The following PCMT1 variants were observed in gnomAD, a reference collection of about 807,000 sequenced individuals.
PCMT1 encodes protein-L-isoaspartate (D-aspartate) O-methyltransferase.
PCMT1 carries 9 observed loss-of-function variants against 29.2 expected under a neutral mutation model. That is an observed-to-expected ratio of 0.31 (90% CI 0.19 to 0.54). The LOEUF (loss-of-function observed/expected upper bound fraction) is 0.54. Among genes scored for constraint, PCMT1 ranks in the 20% least tolerant of loss-of-function variants. PCMT1 has a pLI of 0.95. For synonymous variants in PCMT1, 98 were observed against 97.5 expected (o/e 1.00, Z -0.03); for missense variants, 184 against 282.2 (o/e 0.65, Z 2.49).
chr6:149,776,016 G>T (rs1450015632), intron 3 of PCMT1, among the ~76,000 whole-genome samples: 1 of 151,950 alleles, frequency 6.6e-6, no homozygotes, highest in Non-Finnish European at 1.5e-5. Context: ...AAAATTAGCT[G>T]GGCGTGGTGG....
At chr6:149,805,456 T>C (rs777949236) in intron 7 of PCMT1, among the ~76,000 whole-genome samples, 7 of 150,708 alleles carry the variant, frequency 4.6e-5, no homozygotes, top group Non-Finnish European at 8.8e-5. Context: ...TAGCCGGGCG[T>C]GGTGGCAGGT....
intron 7 of PCMT1, among the ~76,000 whole-genome samples, chr6:149,804,719 C>T (rs1269813386): frequency 6.6e-6 from 1 of 152,048 alleles, no homozygotes; most frequent in African/African-American, 2.4e-5. Context: ...CCAGGCTGGT[C>T]TCGAACTCCT....
intron 2 of PCMT1, among the ~76,000 whole-genome samples, chr6:149,771,783 A>G (rs1285398345): frequency 6.6e-6 from 1 of 152,172 alleles, no homozygotes; most frequent in Non-Finnish European, 1.5e-5. Flanking sequence ...CTCCCAAAGC[A>G]CTAGGATTAC....
chr6:149,772,627 C>T (rs1275355981), intron 2 of PCMT1: 1 of 445,624 alleles, frequency 2.2e-6, no homozygotes, highest in Non-Finnish European at 4.5e-6. Flanking sequence ...AGCACGTTAC[C>T]CTTTGGCATG....
intron 3 of PCMT1, among the ~76,000 whole-genome samples, chr6:149,776,643 G>C (rs1787583149): frequency 6.6e-6 from 1 of 152,034 alleles, no homozygotes; most frequent in Non-Finnish European, 1.5e-5. Flanking sequence ...GAACTCCTGG[G>C]CTCTAGTGAT....
chr6:149,759,536 C>T (rs1437987512), intron 1 of PCMT1, among the ~76,000 whole-genome samples: 1 of 151,598 alleles, frequency 6.6e-6, no homozygotes, highest in African/African-American at 2.4e-5. Context: ...TTCTTGTTGC[C>T]CGGGCTGGAG....
At chr6:149,767,269 T>G (rs1378491204) in intron 1 of PCMT1, among the ~76,000 whole-genome samples, 1 of 151,594 alleles carries the variant, frequency 6.6e-6, no homozygotes, top group Non-Finnish European at 1.5e-5. Context: ...TTTTTTTTTT[T>G]TCTGCTGCTC....
intron 1 of PCMT1, among the ~76,000 whole-genome samples, chr6:149,767,077 C>A (rs1377844409): frequency 6.6e-6 from 1 of 152,022 alleles, no homozygotes; most frequent in African/African-American, 2.4e-5. Flanking sequence ...GATGTGGTGG[C>A]AGGCGCTTAT....
At chr6:149,799,693 A>T (rs1249756394) in intron 6 of PCMT1, among the ~76,000 whole-genome samples, 1 of 152,216 alleles carries the variant, frequency 6.6e-6, no homozygotes, top group Non-Finnish European at 1.5e-5. Context: ...AGAGGAAACC[A>T]CATAGGGCAT....
intron 3 of PCMT1, among the ~76,000 whole-genome samples, chr6:149,777,794 A>G (rs1787632289): frequency 6.8e-6 from 1 of 147,450 alleles, no homozygotes; most frequent in South Asian, 2.2e-4. Flanking sequence ...GCTTTCTTTG[A>G]CTTTCTTTCT....
intron 7 of PCMT1, among the ~76,000 whole-genome samples, chr6:149,804,725 C>T (rs1244962234): frequency 6.6e-6 from 1 of 152,048 alleles, no homozygotes; most frequent in African/African-American, 2.4e-5. Flanking sequence ...TGGTCTCGAA[C>T]TCCTGACCTC....
At position 149,768,443 on chromosome 6, in the gene PCMT1, AATT is replaced by A. The variant is rs1403557723; in HGVS notation, c.56-2718_56-2716del. Among the ~76,000 whole-genome samples, 478 of 121,362 alleles carry A rather than the reference AATT, an allele frequency of 3.9e-3. 1 individual carries two copies. The highest frequency in any genetic ancestry group is 0.016 in the African/African-American group (457 of 29,014). 79.6% of individuals were successfully genotyped at this position (121,362 alleles called of 152,430 possible). A position where few individuals can be genotyped will look rare whatever the true frequency, so the allele number is the denominator to read the frequency against. On this transcript the variant is annotated intron_variant, in intron 1 of 7. Coordinates refer to ENST00000464889, the MANE Select transcript of PCMT1 (RefSeq NM_001360452.2). ...TAGGTGATTTGATCTTTTAGTCTTG[AATT>A]TTTTTTTTTTTTTTTTTTTTTTTGA...
chr6:149,799,361 G>A (rs1353118643), intron 6 of PCMT1, among the ~76,000 whole-genome samples: 1 of 152,100 alleles, frequency 6.6e-6, no homozygotes, highest in African/African-American at 2.4e-5. Flanking sequence ...CTCCTGTTAA[G>A]GACTGGTAAT....
intron 3 of PCMT1, among the ~76,000 whole-genome samples, chr6:149,774,770 CATCTTGGCTCACTG>C (rs1787488920): frequency 6.8e-6 from 1 of 147,030 alleles, no homozygotes. Context: ...GCAGTGGCGC[CATCTTGGCTCACTG>C]CAAGCTCCGC....
chr6:149,792,102 G>C (rs948398562), intron 4 of PCMT1, among the ~76,000 whole-genome samples: 1 of 151,960 alleles, frequency 6.6e-6, no homozygotes, highest in South Asian at 2.1e-4. Context: ...ATCACCTGAG[G>C]TCTGGAGTTC....
At chr6:149,809,896 C>T (rs1776117425) in intron 7 of PCMT1, 1 of 152,146 alleles carries the variant, frequency 6.6e-6, no homozygotes, top group Non-Finnish European at 1.5e-5. Context: ...TTTTGTCACT[C>T]ACATTACCTT....
intron 2 of PCMT1, 121 bp from the exon 3 acceptor site, chr6:149,773,017 A>AAC (rs1196456507): frequency 1.0e-4 from 18 of 174,914 alleles, no homozygotes; most frequent in Non-Finnish European, 1.7e-4. Context: ...ACTGTCTCAG[A>AAC]AAAAAAAAAA....
At chr6:149,792,760 C>T (rs1485872779) in intron 4 of PCMT1, among the ~76,000 whole-genome samples, 3 of 152,124 alleles carry the variant, frequency 2.0e-5, no homozygotes, top group Non-Finnish European at 2.9e-5. Context: ...CTCAAGCAGT[C>T]TACCTGCCTC....
chr6:149,803,080 A>C (rs1458588468), intron 7 of PCMT1, among the ~76,000 whole-genome samples: 3 of 129,066 alleles, frequency 2.3e-5, no homozygotes. Context: ...AAAAAAAAAA[A>C]AACAAGGGGC....
Sources: gnomAD v4.1 joint callset for allele counts (sites outside exome capture counted in the v4.1 genomes callset) on GRCh38, gnomAD v4.1.1 for gene constraint, MANE v1.5 for transcripts, NCBI Gene and HGNC (gene_info 2026-07-23, HGNC 2026-07-21) for gene names.